Variants in IPCEF1 observed in about 807,000 individuals in gnomAD.
IPCEF1 encodes interactor protein for cytohesin exchange factors 1.
A neutral mutation model predicts 50.9 loss-of-function variants in IPCEF1; 31 were observed. That is an observed-to-expected ratio of 0.61 (90% CI 0.46 to 0.82). The LOEUF (loss-of-function observed/expected upper bound fraction) is 0.82. Among genes scored for constraint, IPCEF1 ranks in the 40% least tolerant of loss-of-function variants. The pLI is 0.00. For missense variants in IPCEF1, 458 were observed against 514.0 expected, an observed-to-expected ratio of 0.89 and a Z score of 1.05; for synonymous variants, 181 against 192.0, an observed-to-expected ratio of 0.94 and a Z score of 0.47.
intron 7 of IPCEF1, among the ~76,000 whole-genome samples, chr6:154,215,866 C>G (rs924469569): frequency 4.6e-5 from 7 of 151,860 alleles, no homozygotes; most frequent in Admixed American, 2.0e-4. Context: ...AGACAATATG[C>G]GAAAAAAATT....
At chr6:154,229,645 C>T (rs554670987) in intron 5 of IPCEF1, among the ~76,000 whole-genome samples, 7 of 152,172 alleles carry the variant, frequency 4.6e-5, no homozygotes, top group Admixed American at 1.3e-4. Context: ...CGTGAGCCAC[C>T]GTGCCCAGCA....
chr6:154,350,455 T>C (rs1784101309), intron 1 of IPCEF1, among the ~76,000 whole-genome samples: 1 of 152,234 alleles, frequency 6.6e-6, no homozygotes, highest in Non-Finnish European at 1.5e-5. Context: ...AGTGTCTTTA[T>C]TCACTCCCAT....
Position 154,255,048 on chromosome 6 carries a change from T to G in IPCEF1, c.37-7560A>C, listed in dbSNP as rs184783743. Among the ~76,000 whole-genome samples, 11 of 152,334 alleles carry G rather than the reference T, an allele frequency of 7.2e-5. No homozygotes were observed. The East Asian group carries it at 2.1e-3, about 29-fold the overall frequency. On this transcript the variant is annotated intron_variant, in intron 3 of 11. Transcript: ENST00000367220. ...GTTATTGCAGTCTACATATTTATTT[T>G]TCCATTAAAAATGTTGTGTATTATT...
chr6:154,320,938 T>C (rs1783357235), intron 1 of IPCEF1, among the ~76,000 whole-genome samples: 1 of 152,180 alleles, frequency 6.6e-6, no homozygotes, highest in Non-Finnish European at 1.5e-5. Flanking sequence ...ATGAATTCTT[T>C]TTTGTTGTTG....
At chr6:154,268,468 C>G (rs1781813500) in intron 2 of IPCEF1, among the ~76,000 whole-genome samples, 1 of 152,190 alleles carries the variant, frequency 6.6e-6, no homozygotes, top group African/African-American at 2.4e-5. Flanking sequence ...CTGTCCACAC[C>G]CATTGCCATC....
chr6:154,305,809 C>T (rs1373740117), intron 1 of IPCEF1, among the ~76,000 whole-genome samples: 1 of 152,192 alleles, frequency 6.6e-6, no homozygotes, highest in Admixed American at 6.5e-5. Flanking sequence ...ATCTTTCTCC[C>T]ATGCTGGATG....
intron 2 of IPCEF1, among the ~76,000 whole-genome samples, chr6:154,273,700 CTTTT>C (rs71544368): frequency 3.4e-5 from 1 of 29,370 alleles, no homozygotes; most frequent in Non-Finnish European, 7.6e-5. Flanking sequence ...AAGCTTTTTT[CTTTT>C]TTTCTTTCTT....
intron 10 of IPCEF1, among the ~76,000 whole-genome samples, chr6:154,184,581 C>T (rs1469437449): frequency 6.6e-6 from 1 of 151,888 alleles, no homozygotes; most frequent in Non-Finnish European, 1.5e-5. Context: ...AAAAAATACA[C>T]TCCAAATTGT....
chr6:154,183,315 A>G (rs1248727338), intron 10 of IPCEF1, among the ~76,000 whole-genome samples: 1 of 152,200 alleles, frequency 6.6e-6, no homozygotes, highest in Non-Finnish European at 1.5e-5. Flanking sequence ...TCATTCACTT[A>G]TCGCTATGAC....
intron 1 of IPCEF1, among the ~76,000 whole-genome samples, chr6:154,311,802 G>A (rs966606685): frequency 2.0e-5 from 3 of 152,196 alleles, no homozygotes; most frequent in Non-Finnish European, 2.9e-5. Flanking sequence ...ACAAGTGTTG[G>A]TGAAGATGCG....
At chr6:154,348,255 G>A (rs1015644542) in intron 1 of IPCEF1, among the ~76,000 whole-genome samples, 7 of 152,122 alleles carry the variant, frequency 4.6e-5, no homozygotes, top group African/African-American at 1.7e-4. Flanking sequence ...CATTACCTAC[G>A]CAAAAGCTGC....
rs941948859 is a variant in IPCEF1 at position 154,213,066 on chromosome 6, G to A, written c.452-211C>T. 2.6e-5 allele frequency: 14 copies of A among 532,438 alleles called. No individual in the cohort carries two copies. In the African/African-American group the frequency reaches 2.6e-4, roughly 10 times the overall value. The allele number at this position is 532,438 out of a possible 1,614,324, so 33.0% of individuals were successfully genotyped here. On this transcript the variant is annotated intron_variant, in intron 8 of 11. Transcript: ENST00000367220. ...AATTCGGGGCTCCTGACCTCAAAGAGCATCCAATATGCAGGAAGAAGACAA... is the reference window on the plus strand; with the variant it reads ...AATTCGGGGCTCCTGACCTCAAAGAACATCCAATATGCAGGAAGAAGACAA...
At chr6:154,193,982 C>T (rs1309143728) in intron 10 of IPCEF1, among the ~76,000 whole-genome samples, 1 of 152,156 alleles carries the variant, frequency 6.6e-6, no homozygotes, top group South Asian at 2.1e-4. Context: ...TCATGACATA[C>T]ACAGTTTACA....
intron 1 of IPCEF1, among the ~76,000 whole-genome samples, chr6:154,319,947 A>G (rs1233905413): frequency 1.3e-5 from 2 of 152,230 alleles, no homozygotes; most frequent in East Asian, 1.9e-4. Flanking sequence ...ACTCTCCGCC[A>G]TCTAGTTAAG....
At chr6:154,306,022 C>T (rs527535519) in intron 1 of IPCEF1, among the ~76,000 whole-genome samples, 3 of 152,290 alleles carry the variant, frequency 2.0e-5, no homozygotes, top group Admixed American at 6.5e-5. Context: ...CTTCACCTTG[C>T]GATCGTGTGA....
At chr6:154,303,495 C>A (rs1052577967) in intron 1 of IPCEF1, among the ~76,000 whole-genome samples, 5 of 152,188 alleles carry the variant, frequency 3.3e-5, no homozygotes, top group Non-Finnish European at 7.3e-5. Flanking sequence ...ATTTTAACGA[C>A]ATAATACAGG....
intron 1 of IPCEF1, among the ~76,000 whole-genome samples, chr6:154,316,248 AT>A (rs34625355): frequency 2.0e-5 from 3 of 152,138 alleles, no homozygotes; most frequent in African/African-American, 7.2e-5. Context: ...AGGGAAGCAC[AT>A]TTTTTTAGAT....
intron 1 of IPCEF1, among the ~76,000 whole-genome samples, chr6:154,316,218 T>C (rs1451165483): frequency 2.7e-4 from 41 of 152,206 alleles, no homozygotes; most frequent in Non-Finnish European, 1.5e-5. Context: ...TTGCCATTAT[T>C]GGCCCTCTCC....
At chr6:154,335,978 G>T (rs115525821) in intron 1 of IPCEF1, among the ~76,000 whole-genome samples, 3,221 of 152,164 alleles carry the variant, frequency 0.021, 60 homozygotes, top group Non-Finnish European at 0.032. Flanking sequence ...AAATATCATC[G>T]CATGCCAGTT....
Sources: gnomAD v4.1 joint callset for allele counts (sites outside exome capture counted in the v4.1 genomes callset) on GRCh38, gnomAD v4.1.1 for gene constraint, MANE v1.5 for transcripts, NCBI Gene and HGNC (gene_info 2026-07-23, HGNC 2026-07-21) for gene names.